AIM2: variants seen among roughly 807,000 people sequenced by gnomAD.
AIM2 encodes absent in melanoma 2.
Under a neutral mutation model 27.7 loss-of-function variants are expected in AIM2, and 30 were observed. The ratio of observed to expected loss-of-function variants is 1.08; its 90% CI spans 0.81 to 1.47. AIM2 has a LOEUF of 1.47. Among genes scored for constraint, AIM2 ranks in the 40% most tolerant of loss-of-function variants. The pLI is 0.00. For synonymous variants in AIM2, 141 were observed against 145.3 expected, an observed-to-expected ratio of 0.97 and a Z score of 0.21; for missense variants, 358 against 411.3, an observed-to-expected ratio of 0.87 and a Z score of 1.12.
intron 1 of AIM2, among the ~76,000 whole-genome samples, chr1:159,138,721 C>G (rs149094058): frequency 2.6e-5 from 4 of 152,166 alleles, no homozygotes; most frequent in Non-Finnish European, 5.9e-5. Flanking sequence ...TTTCTCTTTC[C>G]TATCTATATA....
upstream of AIM2, among the ~76,000 whole-genome samples, chr1:159,077,567 T>C (rs114303870): frequency 4.8e-3 from 724 of 152,346 alleles, 6 homozygotes; most frequent in Non-Finnish European, 8.3e-3. Flanking sequence ...GCAATCTGTC[T>C]TCATTGTCAC....
rs141045740 is a variant in AIM2, at chr1:159,091,342, A to G, written c.-15-25013T>C. 3.0e-4 allele frequency among the ~76,000 whole-genome samples: 46 copies of G among 152,290 alleles called. No individual in the cohort carries two copies. The East Asian group carries it at 8.7e-3, about 29-fold the overall frequency. ...GTGTGGCATTACAACCACTGAAAAA[A>G]TGCTGGGTAGAGTCAGTCCACAATG... On this transcript the variant is annotated intron_variant, in intron 1 of 2. Coordinates refer to the AIM2 transcript ENST00000368129.
upstream of AIM2, among the ~76,000 whole-genome samples, chr1:159,143,613 CA>C: frequency 1.3e-5 from 2 of 151,428 alleles, no homozygotes; most frequent in East Asian, 3.9e-4. Context: ...CACACACACA[CA>C]CACACACACA....
intron 4 of AIM2, among the ~76,000 whole-genome samples, chr1:159,065,277 C>T (rs1656032321): frequency 1.3e-5 from 2 of 152,148 alleles, no homozygotes; most frequent in South Asian, 4.1e-4. Context: ...AGGAGCGCCT[C>T]TGCCCCGCGG....
upstream of AIM2, among the ~76,000 whole-genome samples, chr1:159,078,208 A>G (rs1656681243): frequency 6.6e-6 from 1 of 152,188 alleles, no homozygotes; most frequent in South Asian, 2.1e-4. Context: ...ATCATCTGAC[A>G]TACGGTATAT....
upstream of AIM2, among the ~76,000 whole-genome samples, chr1:159,143,581 TACACACAC>T (rs6143439): frequency 0.51 from 73,754 of 143,836 alleles, 19,074 homozygotes; most frequent in Admixed American, 0.61. Flanking sequence ...GCTCAGTGTG[TACACACAC>T]ACACACACAC....
chr1:159,123,706 C>T (rs1647604215), intron 1 of AIM2: 1 of 152,218 alleles, frequency 6.6e-6, no homozygotes, highest in Admixed American at 6.5e-5. Flanking sequence ...CACCAATCCT[C>T]GCCAACCTAC....
At chr1:159,133,756 C>A (rs1647954502) in intron 1 of AIM2, among the ~76,000 whole-genome samples, 1 of 152,244 alleles carries the variant, frequency 6.6e-6, no homozygotes, top group Middle Eastern at 3.2e-3. Context: ...CCTCTCCCCA[C>A]TACTTCTCCG....
chr1:159,101,737 G>T (rs1388930881), intron 1 of AIM2, among the ~76,000 whole-genome samples: 1 of 152,192 alleles, frequency 6.6e-6, no homozygotes, highest in Admixed American at 6.5e-5. Context: ...CTTCAGCAAA[G>T]AAACTGGCAG....
chr1:159,117,185 A>G (rs1276305477), intron 1 of AIM2, among the ~76,000 whole-genome samples: 1 of 152,188 alleles, frequency 6.6e-6, no homozygotes, highest in African/African-American at 2.4e-5. Context: ...GAAAAAAGTT[A>G]TTTTAAAAAC....
chr1:159,055,419 T>C, the AIM2 span, among the ~76,000 whole-genome samples: 1 of 152,214 alleles, frequency 6.6e-6, no homozygotes. Context: ...CCCAGAGCAG[T>C]AGATATCTTT....
At chr1:159,137,833 A>G (rs975786311) in intron 1 of AIM2, among the ~76,000 whole-genome samples, 3 of 152,176 alleles carry the variant, frequency 2.0e-5, no homozygotes, top group African/African-American at 7.2e-5. Context: ...TGTATCCAAA[A>G]GTGTTCACCA....
intron 1 of AIM2, among the ~76,000 whole-genome samples, chr1:159,090,000 C>T (rs770097132): frequency 2.0e-5 from 3 of 152,198 alleles, no homozygotes; most frequent in Non-Finnish European, 4.4e-5. Flanking sequence ...CCCAAGGTTG[C>T]ATCCTTCCAT....
intron 1 of AIM2, among the ~76,000 whole-genome samples, chr1:159,076,015 T>G (rs1656594256): frequency 6.6e-6 from 1 of 152,216 alleles, no homozygotes; most frequent in Non-Finnish European, 1.5e-5. Context: ...GTAGAGTTCA[T>G]GAGTGAAAAT....
intron 1 of AIM2, among the ~76,000 whole-genome samples, chr1:159,093,762 A>G (rs1223327372): frequency 6.6e-6 from 1 of 151,404 alleles, no homozygotes; most frequent in Non-Finnish European, 1.5e-5. Context: ...AGAGAGACGG[A>G]GTCTTGTTCT....
upstream of AIM2, among the ~76,000 whole-genome samples, chr1:159,141,053 T>A (rs1051147021): frequency 6.6e-6 from 1 of 151,906 alleles, no homozygotes; most frequent in Non-Finnish European, 1.5e-5. Flanking sequence ...ACCTGACAGA[T>A]CAGAAAGTGA....
At chr1:159,080,618 C>A (rs939576601), upstream of AIM2, among the ~76,000 whole-genome samples, 1 of 152,098 alleles carries the variant, frequency 6.6e-6, no homozygotes, top group African/African-American at 2.4e-5. Flanking sequence ...GTGAAAAATA[C>A]GGATTTTAGG....
Position 159,062,682 on chromosome 1 carries a change from T to C in AIM2, c.*10A>G, listed in dbSNP as rs770532946. The C allele has an allele frequency of 1.2e-6, 2 of 1,613,668 alleles. No homozygotes were observed. Among genetic ancestry groups the C allele is most frequent in the Non-Finnish European group, 1.7e-6 (2 of 1,179,756 alleles). On this transcript the variant is annotated 3_prime_UTR_variant, in exon 6 of 6. Coordinates refer to ENST00000368130, the MANE Select transcript of AIM2 (RefSeq NM_004833.3). The stretch of plus-strand genomic sequence containing the variant: ...AGACCAGTTGGCTTGAATTGGTCCT[T>C]TTTACTTCTCTATGTTTTTTTTTTG...
intron 1 of AIM2, among the ~76,000 whole-genome samples, chr1:159,113,548 C>T (rs1422942034): frequency 6.6e-6 from 1 of 152,222 alleles, no homozygotes; most frequent in East Asian, 1.9e-4. Context: ...TTTCAGTTAA[C>T]TGAGGGTTTA....
Sources: allele counts gnomAD v4.1 joint callset (sites outside exome capture counted in the v4.1 genomes callset), GRCh38; gene constraint gnomAD v4.1.1; transcripts MANE v1.5; gene names NCBI Gene and HGNC (gene_info 2026-07-23, HGNC 2026-07-21).